ROBO2: variants seen among roughly 807,000 people sequenced by gnomAD.
The protein encoded by ROBO2 is roundabout guidance receptor 2.
In ROBO2, 53 loss-of-function variants were observed where a neutral mutation model predicts 160.8. That is an observed-to-expected ratio of 0.33 (90% CI 0.26 to 0.41). The LOEUF (loss-of-function observed/expected upper bound fraction) is 0.41, where lower values mean the gene tolerates loss of function less well. Ranked by LOEUF, ROBO2 falls within the 10% of genes least tolerant of loss-of-function variation. The probability of loss-of-function intolerance (pLI) is 1.00; values close to 1 mark genes in which losing one functional copy is unlikely to be tolerated. For synonymous variants in ROBO2, 664 were observed against 611.7 expected, an observed-to-expected ratio of 1.09 and a Z score of -1.26; for missense variants, 1,577 against 1,722.4, an observed-to-expected ratio of 0.92 and a Z score of 1.49.
intron 2 of ROBO2, among the ~76,000 whole-genome samples, chr3:76,493,259 ATT>A (rs923366758): frequency 2.5e-4 from 37 of 150,110 alleles, no homozygotes; most frequent in African/African-American, 7.8e-4. Context: ...ACCTGGCACT[ATT>A]TTGTCTCTTT....
At chr3:77,593,949 T>C (rs2094240329) in intron 17 of ROBO2, among the ~76,000 whole-genome samples, 2 of 152,290 alleles carry the variant, frequency 1.3e-5, no homozygotes, top group African/African-American at 4.8e-5. Context: ...ATAGGGTTTA[T>C]TGGGTTCACA....
chr3:77,019,599 A>G (rs973796148), intron 2 of ROBO2, among the ~76,000 whole-genome samples: 6 of 152,308 alleles, frequency 3.9e-5, no homozygotes, highest in Admixed American at 3.9e-4. Context: ...TGTACACACA[A>G]GGAATATGTA....
chr3:76,675,075 A>C (rs911982763), intron 2 of ROBO2, among the ~76,000 whole-genome samples: 2 of 152,208 alleles, frequency 1.3e-5, no homozygotes, highest in Non-Finnish European at 2.9e-5. Flanking sequence ...AGCAGCCCAT[A>C]GCCATAGACT....
chr3:76,314,744 T>C (rs1212535150), intron 2 of ROBO2, among the ~76,000 whole-genome samples: 1 of 152,146 alleles, frequency 6.6e-6, no homozygotes, highest in East Asian at 1.9e-4. Context: ...ATAATACATA[T>C]AACATATAAA....
chr3:76,416,579 A>G (rs904808881), intron 2 of ROBO2, among the ~76,000 whole-genome samples: 2 of 152,184 alleles, frequency 1.3e-5, no homozygotes, highest in African/African-American at 2.4e-5. Context: ...CAATTTTGCT[A>G]TGCTCACTTT....
intron 2 of ROBO2, among the ~76,000 whole-genome samples, chr3:77,138,633 G>T (rs1353699005): frequency 6.6e-6 from 1 of 152,090 alleles, no homozygotes; most frequent in East Asian, 1.9e-4. Flanking sequence ...AAAATATGCA[G>T]AGTGAGTTTT....
At chr3:76,741,561 G>A (rs376965863) in intron 2 of ROBO2, among the ~76,000 whole-genome samples, 9 of 152,122 alleles carry the variant, frequency 5.9e-5, no homozygotes, top group African/African-American at 2.2e-4. Flanking sequence ...AAAGATAGTT[G>A]ATTGAGGAGG....
At chr3:76,016,350 A>T (rs955621975) in intron 2 of ROBO2, among the ~76,000 whole-genome samples, 1 of 152,048 alleles carries the variant, frequency 6.6e-6, no homozygotes, top group East Asian at 1.9e-4. Flanking sequence ...TAAAGTCTTT[A>T]TACTAAAATA....
intron 23 of ROBO2, among the ~76,000 whole-genome samples, chr3:77,623,341 T>C (rs2094938909): frequency 6.6e-6 from 1 of 152,140 alleles, no homozygotes; most frequent in South Asian, 2.1e-4. Flanking sequence ...CGTGATGACA[T>C]CTTTCATCCT....
chr3:76,754,294 G>A (rs1327577122), intron 2 of ROBO2, among the ~76,000 whole-genome samples: 1 of 151,794 alleles, frequency 6.6e-6, no homozygotes. Flanking sequence ...AGCTTTTGAA[G>A]GTGTACTTTG....
chr3:76,307,944 C>T (rs1425000832), intron 2 of ROBO2, among the ~76,000 whole-genome samples: 1 of 152,136 alleles, frequency 6.6e-6, no homozygotes, highest in East Asian at 1.9e-4. Context: ...GCAGAGACAA[C>T]AGTTTCATGG....
chr3:75,914,908 G>T lies in ROBO2; in HGVS notation c.-14+7948G>T, dbSNP rs1213143975. Among the ~76,000 whole-genome samples, 7 of 152,272 alleles carry T rather than the reference G, an allele frequency of 4.6e-5. No homozygotes were observed. The South Asian group carries it at 1.5e-3, about 32-fold the overall frequency. On this transcript the variant is annotated intron_variant, in intron 1 of 26. Transcript: ENST00000487694. ...TAAGAAGGATGGTATGATAGGCTGC[G>T]TGTACATGTGGCCCTCATTAGCAGG...
exon 16 of ROBO2, chr3:77,580,015 A>G (rs2093873509): frequency 6.2e-7 from 1 of 1,613,894 alleles, no homozygotes; most frequent in Non-Finnish European, 8.5e-7. Flanking sequence ...TTCGGTCCGT[A>G]ATAATTGGTG....
chr3:77,098,369 A>T, intron 2 of ROBO2, 29 bp downstream of exon 2: 1 of 1,606,092 alleles, frequency 6.2e-7, no homozygotes, highest in Non-Finnish European at 8.5e-7. Context: ...CCTCATGTGC[A>T]CATTTACTTT....
At chr3:77,489,172 A>G (rs1031484662) in intron 4 of ROBO2, among the ~76,000 whole-genome samples, 2 of 152,188 alleles carry the variant, frequency 1.3e-5, no homozygotes, top group African/African-American at 4.8e-5. Context: ...ACATCCTAAT[A>G]CCCAGGTATA....
At chr3:76,006,009 A>G (rs2066011323) in intron 2 of ROBO2, among the ~76,000 whole-genome samples, 1 of 152,156 alleles carries the variant, frequency 6.6e-6, no homozygotes, top group East Asian at 1.9e-4. Context: ...TACATATGTG[A>G]CCAGTTATGT....
At chr3:76,894,130 TG>T (rs1180382589) in intron 2 of ROBO2, among the ~76,000 whole-genome samples, 1 of 151,326 alleles carries the variant, frequency 6.6e-6, no homozygotes, top group Non-Finnish European at 1.5e-5. Context: ...TTATTATCTG[TG>T]GGAGGAAAAA....
intron 5 of ROBO2, among the ~76,000 whole-genome samples, chr3:77,494,471 G>A (rs1292106398): frequency 3.3e-5 from 5 of 152,034 alleles, no homozygotes; most frequent in East Asian, 3.9e-4. Context: ...CCAGCTACTC[G>A]GGAGGCTGAG....
At chr3:77,221,180 T>C (rs1239142213) in intron 2 of ROBO2, among the ~76,000 whole-genome samples, 1 of 152,180 alleles carries the variant, frequency 6.6e-6, no homozygotes, top group Non-Finnish European at 1.5e-5. Flanking sequence ...GCTGCACTTG[T>C]TCTTGACTGG....
Sources: allele counts gnomAD v4.1 joint callset (sites outside exome capture counted in the v4.1 genomes callset), GRCh38; gene constraint gnomAD v4.1.1; transcripts MANE v1.5; gene names NCBI Gene and HGNC (gene_info 2026-07-23, HGNC 2026-07-21).